ASNS: variants seen among roughly 807,000 people sequenced by gnomAD.
ASNS encodes the protein asparagine synthetase [glutamine-hydrolyzing].
ASNS carries 37 observed loss-of-function variants against 62.6 expected under a neutral mutation model. That is an observed-to-expected ratio of 0.59 (90% confidence interval 0.45 to 0.78). ASNS has a LOEUF of 0.78. ASNS is among the 30% of genes least tolerant of loss of function. The probability of loss-of-function intolerance (pLI) is 0.00; values close to 1 mark genes in which losing one functional copy is unlikely to be tolerated. For synonymous variants in ASNS, 207 were observed against 237.9 expected (o/e 0.87, Z 1.19); for missense variants, 520 against 682.4 (o/e 0.76, Z 2.65).
the ASNS span, among the ~76,000 whole-genome samples, chr7:97,909,305 T>A: frequency 1.9e-5 from 2 of 104,402 alleles, no homozygotes; most frequent in East Asian, 3.7e-4. Flanking sequence ...TTTTTTTTTT[T>A]TTTTTTTTTT....
At chr7:97,875,192 C>T (rs1437213956), upstream of ASNS, among the ~76,000 whole-genome samples, 2 of 152,192 alleles carry the variant, frequency 1.3e-5, no homozygotes, top group East Asian at 3.8e-4. Context: ...GTCACCCAGA[C>T]TAGAGTGCAG....
At chr7:97,895,801 ATAAAAAACATTT>A in the ASNS span, among the ~76,000 whole-genome samples, 1 of 152,212 alleles carries the variant, frequency 6.6e-6, no homozygotes, top group Non-Finnish European at 1.5e-5. Flanking sequence ...AAAATAAAAA[ATAAAAAACATTT>A]TTAAAAACGG....
At chr7:97,904,344 G>A in the ASNS span, among the ~76,000 whole-genome samples, 1 of 147,758 alleles carries the variant, frequency 6.8e-6, no homozygotes, top group Non-Finnish European at 1.5e-5. Flanking sequence ...CACCATGATT[G>A]GTCAGAATAG....
chr7:97,867,432 T>C (rs1427960359), intron 3 of ASNS, among the ~76,000 whole-genome samples: 1 of 152,222 alleles, frequency 6.6e-6, no homozygotes, highest in African/African-American at 2.4e-5. Context: ...CAAACTTCTC[T>C]ACTTTTACAA....
At chr7:97,867,936 G>C (rs563093912) in intron 3 of ASNS, among the ~76,000 whole-genome samples, 37 of 152,268 alleles carry the variant, frequency 2.4e-4, no homozygotes, top group Middle Eastern at 3.4e-3. Context: ...CTCTATCAAT[G>C]CCTGACAGGT....
At chr7:97,869,266 C>G in intron 2 of ASNS, 87 bp from the exon 3 acceptor site, 1 of 1,443,170 alleles carries the variant, frequency 6.9e-7, no homozygotes, top group Non-Finnish European at 9.3e-7. Context: ...CGTGCATAAA[C>G]CACTTCAAAG....
At chr7:97,911,660 A>G in the ASNS span, among the ~76,000 whole-genome samples, 2 of 151,302 alleles carry the variant, frequency 1.3e-5, no homozygotes, top group East Asian at 1.9e-4. Context: ...GCAAACAAAA[A>G]CCCTCTTGAT....
intron 7 of ASNS, 108 bp downstream of exon 7, chr7:97,858,170 A>G: frequency 7.0e-7 from 1 of 1,420,584 alleles, no homozygotes; most frequent in East Asian, 2.3e-5. Flanking sequence ...AAAACAATTG[A>G]CCCAGTCAAT....
chr7:97,880,063 T>C, the ASNS span, among the ~76,000 whole-genome samples: 5 of 152,082 alleles, frequency 3.3e-5, no homozygotes, highest in African/African-American at 1.2e-4. Flanking sequence ...AATGTATTTC[T>C]GACAAATGCC....
chr7:97,913,973 TA>T, the ASNS span, among the ~76,000 whole-genome samples: 1 of 150,474 alleles, frequency 6.6e-6, no homozygotes, highest in African/African-American at 2.5e-5. Flanking sequence ...GATGCACGGG[TA>T]GGGGGATAGA....
chr7:97,856,627 A>C, intron 8 of ASNS, 63 bp downstream of exon 8: 1 of 1,382,500 alleles, frequency 7.2e-7, no homozygotes, highest in Non-Finnish European at 9.7e-7. Flanking sequence ...TAATTTTTTT[A>C]AACCTTACAT....
At chr7:97,896,739 CACAT>C in the ASNS span, among the ~76,000 whole-genome samples, 557 of 31,964 alleles carry the variant, frequency 0.017, 7 homozygotes, top group African/African-American at 0.035. Flanking sequence ...CACACACACA[CACAT>C]ATATATATAT....
In ASNS at chr7:97,856,288, G is replaced by C. The variant is rs528476258; in HGVS notation, c.1030+402C>G. On this transcript the variant is annotated intron_variant, in intron 8 of 12. Transcript: ENST00000394308. ...ATTGTTTGCAGAGCAATGATAGCTA[G>C]TGACTGGTAAGTTGTGTGATGGAAT... Among the ~76,000 whole-genome samples the C allele has an allele frequency of 5.9e-5, 9 of 152,318 alleles. No homozygotes were observed. In the South Asian group the frequency reaches 1.2e-3, roughly 21 times the overall value.
At chr7:97,889,927 C>CAAAAAAAAAAAAAAAAAAAAAAAAAAAAA in the ASNS span, among the ~76,000 whole-genome samples, 1 of 38,558 alleles carries the variant, frequency 2.6e-5, no homozygotes, top group African/African-American at 1.1e-4. Context: ...ATAATGAATA[C>CAAAAAAAAAAAAAAAAAAAAAAAAAAAAA]AAAAAAAAAA....
At chr7:97,867,367 A>C (rs2115737807) in intron 3 of ASNS, among the ~76,000 whole-genome samples, 1 of 152,342 alleles carries the variant, frequency 6.6e-6, no homozygotes, top group South Asian at 2.1e-4. Context: ...CTCATTAGAC[A>C]GACTGCTAGC....
chr7:97,921,903 C>A, the ASNS span, among the ~76,000 whole-genome samples: 11,717 of 152,152 alleles, frequency 0.077, 928 homozygotes, highest in African/African-American at 0.2. Flanking sequence ...ACACTTCCAG[C>A]AACAATGTAG....
At chr7:97,903,249 T>G in the ASNS span, among the ~76,000 whole-genome samples, 3 of 152,030 alleles carry the variant, frequency 2.0e-5, no homozygotes, top group South Asian at 4.2e-4. Context: ...AGAGTTTTTT[T>G]TTTTTTTTTT....
the ASNS span, among the ~76,000 whole-genome samples, chr7:97,916,535 C>T: frequency 6.6e-6 from 1 of 152,186 alleles, no homozygotes; most frequent in African/African-American, 2.4e-5. Context: ...CAGAGGAGAA[C>T]CCCTCATGAT....
chr7:97,913,886 G>T, the ASNS span, among the ~76,000 whole-genome samples: 267 of 151,586 alleles, frequency 1.8e-3, 1 homozygote, highest in Non-Finnish European at 3.1e-3. Flanking sequence ...ATGAATGAAT[G>T]GTTGAGTCGG....
Sources: gnomAD v4.1 joint callset for allele counts (sites outside exome capture counted in the v4.1 genomes callset) on GRCh38, gnomAD v4.1.1 for gene constraint, MANE v1.5 for transcripts, NCBI Gene and HGNC (gene_info 2026-07-23, HGNC 2026-07-21) for gene names.